Variants in LHFPL3 observed in about 807,000 individuals in gnomAD.
LHFPL3 encodes the protein LHFPL tetraspan subfamily member 3 protein.
In LHFPL3, 5 loss-of-function variants were observed where a neutral mutation model predicts 19.3. The observed-to-expected ratio is 0.26, with a 90% CI of 0.14 to 0.54. The LOEUF (loss-of-function observed/expected upper bound fraction) is 0.54. Among genes scored for constraint, LHFPL3 ranks in the 20% least tolerant of loss-of-function variants. LHFPL3 has a pLI of 0.94. For synonymous variants in LHFPL3, 133 were observed against 126.2 expected (o/e 1.05, Z -0.36); for missense variants, 249 against 307.4 (o/e 0.81, Z 1.42).
intron 2 of LHFPL3, among the ~76,000 whole-genome samples, chr7:104,903,359 G>GAAT (rs1792530157): frequency 6.6e-6 from 1 of 151,688 alleles, no homozygotes; most frequent in African/African-American, 2.4e-5. Flanking sequence ...ACTTACTTGA[G>GAAT]AACCTCAAGA....
intron 1 of LHFPL3, chr7:104,667,768 A>G: frequency 6.3e-7 from 1 of 1,595,826 alleles, no homozygotes; most frequent in Non-Finnish European, 8.6e-7. Flanking sequence ...TCAGCAAAAA[A>G]GAAGAATAAG....
At chr7:104,782,400 C>T (rs920636387) in intron 2 of LHFPL3, among the ~76,000 whole-genome samples, 9 of 152,160 alleles carry the variant, frequency 5.9e-5, no homozygotes, top group Non-Finnish European at 8.8e-5. Context: ...TAAGCTCATC[C>T]GGATTCAAGG....
chr7:104,654,773 CTG>C (rs1055139909), intron 1 of LHFPL3, among the ~76,000 whole-genome samples: 5 of 152,036 alleles, frequency 3.3e-5, no homozygotes, highest in African/African-American at 9.7e-5. Flanking sequence ...TGATTTTTTT[CTG>C]TCTTTTTCAA....
At chr7:104,830,027 C>G (rs1044392016) in intron 2 of LHFPL3, among the ~76,000 whole-genome samples, 1 of 151,982 alleles carries the variant, frequency 6.6e-6, no homozygotes, top group African/African-American at 2.4e-5. Flanking sequence ...GCCATTCTAA[C>G]TGGTGTGAGA....
At chr7:104,839,436 G>A (rs1320396228) in intron 2 of LHFPL3, among the ~76,000 whole-genome samples, 1 of 152,148 alleles carries the variant, frequency 6.6e-6, no homozygotes, top group Non-Finnish European at 1.5e-5. Context: ...GGAGGCCGAG[G>A]CAGGCAGATC....
intron 2 of LHFPL3, among the ~76,000 whole-genome samples, chr7:104,853,693 A>ATGTT (rs1444703525): frequency 6.6e-6 from 1 of 152,210 alleles, no homozygotes; most frequent in African/African-American, 2.4e-5. Flanking sequence ...AAAAGGGAAA[A>ATGTT]TGTTTGTATT....
chr7:104,861,064 A>G lies in LHFPL3; in HGVS notation c.683-45123A>G, dbSNP rs144677445. ...TTAAAAAAGTAAAACATAAGATAAT[A>G]AGAGAGAGCCGGTGAATTCTCCATT... On this transcript the variant is annotated intron_variant, in intron 2 of 2. Coordinates refer to ENST00000424859, the MANE Select transcript of LHFPL3 (RefSeq NM_199000.3). Among the ~76,000 whole-genome samples, 591 of 152,348 alleles carry G rather than the reference A, an allele frequency of 3.9e-3. 8 individuals carry two copies. The highest frequency in any genetic ancestry group is 0.014 in the African/African-American group (569 of 41,580).
At chr7:104,785,902 TCTC>T (rs1789901946) in intron 2 of LHFPL3, 1 of 152,286 alleles carries the variant, frequency 6.6e-6, no homozygotes, top group East Asian at 1.9e-4. Flanking sequence ...GGCCTACAAA[TCTC>T]CTCTATTCTG....
chr7:104,794,946 T>C (rs561746446), intron 2 of LHFPL3, among the ~76,000 whole-genome samples: 1 of 152,336 alleles, frequency 6.6e-6, no homozygotes, highest in African/African-American at 2.4e-5. Flanking sequence ...AGACAAAATA[T>C]GTGTAGCAGG....
At chr7:104,551,894 C>T (rs2115911213) in intron 1 of LHFPL3, among the ~76,000 whole-genome samples, 1 of 152,252 alleles carries the variant, frequency 6.6e-6, no homozygotes, top group East Asian at 1.9e-4. Context: ...GACATCTGGT[C>T]ATTTACTTGT....
At chr7:104,509,895 C>G (rs1793777747) in intron 1 of LHFPL3, among the ~76,000 whole-genome samples, 1 of 151,928 alleles carries the variant, frequency 6.6e-6, no homozygotes, top group African/African-American at 2.4e-5. Context: ...TACAAGTTCA[C>G]AAGATATAAT....
intron 1 of LHFPL3, among the ~76,000 whole-genome samples, chr7:104,514,258 C>T (rs1471335027): frequency 6.6e-6 from 1 of 152,278 alleles, no homozygotes; most frequent in East Asian, 1.9e-4. Context: ...AATAAATCTT[C>T]TACTTCATCA....
chr7:104,637,174 T>C (rs1454793873), intron 1 of LHFPL3, among the ~76,000 whole-genome samples: 5 of 152,166 alleles, frequency 3.3e-5, no homozygotes, highest in African/African-American at 1.2e-4. Flanking sequence ...TGACTGCACA[T>C]ATGTCTTCTT....
chr7:104,648,733 C>G (rs61332047), intron 1 of LHFPL3, among the ~76,000 whole-genome samples: 18,846 of 152,238 alleles, frequency 0.12, 1,286 homozygotes, highest in African/African-American at 0.16. Flanking sequence ...TAAATCCTCA[C>G]AATGGCCGCC....
intron 1 of LHFPL3, among the ~76,000 whole-genome samples, chr7:104,724,826 G>A (rs560917539): frequency 6.6e-5 from 10 of 152,210 alleles, no homozygotes; most frequent in Non-Finnish European, 8.8e-5. Context: ...TGGAGAACCC[G>A]TACACACTAC....
intron 2 of LHFPL3, among the ~76,000 whole-genome samples, chr7:104,880,887 G>A (rs1247691912): frequency 2.6e-5 from 4 of 152,172 alleles, no homozygotes; most frequent in African/African-American, 4.8e-5. Flanking sequence ...AATACTTTGT[G>A]TGGCCAGGCG....
chr7:104,697,253 T>C (rs192467306), intron 1 of LHFPL3, among the ~76,000 whole-genome samples: 1 of 152,214 alleles, frequency 6.6e-6, no homozygotes, highest in Non-Finnish European at 1.5e-5. Flanking sequence ...AGATTCAGTC[T>C]ATAGCAAACA....
intron 1 of LHFPL3, among the ~76,000 whole-genome samples, chr7:104,675,754 G>C (rs1792578104): frequency 6.6e-6 from 1 of 152,134 alleles, no homozygotes; most frequent in Non-Finnish European, 1.5e-5. Flanking sequence ...AATGACACCT[G>C]GGTTTTTTGA....
At chr7:104,790,982 A>T (rs1790013352) in intron 2 of LHFPL3, among the ~76,000 whole-genome samples, 2 of 152,252 alleles carry the variant, frequency 1.3e-5, no homozygotes, top group African/African-American at 2.4e-5. Context: ...AAAAGCACAG[A>T]TAGAGCATCT....
Sources: allele counts gnomAD v4.1 joint callset (sites outside exome capture counted in the v4.1 genomes callset), GRCh38; gene constraint gnomAD v4.1.1; transcripts MANE v1.5; gene names NCBI Gene and HGNC (gene_info 2026-07-23, HGNC 2026-07-21).